The following SEPTIN10 variants were observed in gnomAD, a reference collection of about 807,000 sequenced individuals.
The protein encoded by SEPTIN10 is septin 10.
A neutral mutation model predicts 54.8 loss-of-function variants in SEPTIN10; 66 were observed. The ratio of observed to expected loss-of-function variants is 1.21; its 90% CI spans 0.99 to 1.48. SEPTIN10 has a LOEUF of 1.48. Ranked by LOEUF, SEPTIN10 falls within the 40% of genes most tolerant of loss-of-function variation. The probability of loss-of-function intolerance (pLI) is 0.00; values close to 1 mark genes in which losing one functional copy is unlikely to be tolerated. For synonymous variants in SEPTIN10, 161 were observed against 181.0 expected, an observed-to-expected ratio of 0.89 and a Z score of 0.89; for missense variants, 620 against 545.6, an observed-to-expected ratio of 1.14 and a Z score of -1.36.
chr2:109,565,611 A>G, intron 7 of SEPTIN10, 152 bp downstream of exon 7: 1 of 665,726 alleles, frequency 1.5e-6, no homozygotes, highest in East Asian at 2.6e-5. Flanking sequence ...GAGGCTCTAC[A>G]CGGCCTCCAG....
At position 109,585,189 on chromosome 2, in the gene SEPTIN10, ACATTACTTT is replaced by A. The variant is rs1240375049; in HGVS notation, c.341_349del (p.Glu114_Asn116del). 6.2e-7 allele frequency: 1 copy of A among 1,611,574 alleles called. No homozygotes were observed. Among genetic ancestry groups the A allele is most frequent in the African/African-American group, 1.3e-5 (1 of 74,878 alleles). ...ATTCACAATGGTCAATTTCAATTGA[ACATTACTTT>A]CCTGGAGTTCATATGTCTGAGCTTT... On this transcript the variant is annotated inframe_deletion, in exon 4 of 11. Coordinates refer to ENST00000397712, the MANE Select transcript of SEPTIN10 (RefSeq NM_144710.5).
intron 1 of SEPTIN10, among the ~76,000 whole-genome samples, chr2:109,607,190 T>C (rs1327172779): frequency 6.6e-6 from 1 of 152,206 alleles, no homozygotes. Flanking sequence ...ACAAATAATT[T>C]GTATTTTCCA....
rs1301429871 is a variant in SEPTIN10, at chr2:109,565,754, C to T, written c.859+9G>A. ...ATACATATTTCTAGTCATCCTTTGT[C>T]TCATTTACCTTGTACAACACCCCAA... On this transcript the variant is annotated intron_variant, in intron 7 of 10. Transcript: ENST00000397712. The T allele has an allele frequency of 2.5e-6, 4 of 1,609,230 alleles. No individual in the cohort carries two copies. Among genetic ancestry groups the T allele is most frequent in the Middle Eastern group, 1.7e-4 (1 of 5,934 alleles).
At position 109,585,131 on chromosome 2, in the gene SEPTIN10, T is replaced by C; in HGVS notation, c.408A>G (p.Glu136=). 9.5e-6 allele frequency: 15 copies of C among 1,571,392 alleles called. No homozygotes were observed. The highest frequency in any genetic ancestry group is 1.3e-5 in the Non-Finnish European group (15 of 1,159,852). ...TVGFGDQINK[E]ESYQPIVDYI... is the part of the protein sequence containing the mutation. Reference sequence around the variant, plus strand: ...TACAAGAAGAAAACACATACCTCTCTTCTTTATTTATTTGGTCACCAAATC... The same window carrying C: ...TACAAGAAGAAAACACATACCTCTCCTCTTTATTTATTTGGTCACCAAATC... The change falls in exon 4 of 11, where the codon GAA becomes GAG. Residue 136 remains glutamate (E), a synonymous_variant. Coordinates refer to ENST00000397712, the MANE Select transcript of SEPTIN10 (RefSeq NM_144710.5).
intron 2 of SEPTIN10, among the ~76,000 whole-genome samples, chr2:109,587,652 G>A (rs893483015): frequency 2.0e-5 from 3 of 152,092 alleles, no homozygotes; most frequent in East Asian, 1.9e-4. Flanking sequence ...GGTGGCTCAC[G>A]CCTGTAATCC....
rs1681021558 is a variant in SEPTIN10 at position 109,545,696 on chromosome 2, A to ATGG, written c.1349+351_1349+353dup. The ATGG allele has an allele frequency of 2.1e-6, 3 of 1,459,934 alleles. No individual in the cohort carries two copies. In the Admixed American group the frequency reaches 7.2e-5, roughly 35 times the overall value. The allele number at this position is 1,459,934 out of a possible 1,614,324, so 90.4% of individuals were successfully genotyped here. On this transcript the variant is annotated intron_variant, in intron 10 of 10. Transcript: ENST00000397712. Reference sequence around the variant, plus strand: ...TTAGACATGAAATTCAAAATAACTCATGGTAGGTCAGCAGCCATTAGCTGT... The same window carrying ATGG: ...TTAGACATGAAATTCAAAATAACTCATGGTGGTAGGTCAGCAGCCATTAGCTGT...
At chr2:109,576,409 A>G (rs1205752189) in intron 4 of SEPTIN10, among the ~76,000 whole-genome samples, 1 of 152,068 alleles carries the variant, frequency 6.6e-6, no homozygotes, top group African/African-American at 2.4e-5. Flanking sequence ...TCAAAAAATG[A>G]TATTTTTTTT....
chr2:109,590,015 T>C, intron 2 of SEPTIN10, among the ~76,000 whole-genome samples: 1 of 151,158 alleles, frequency 6.6e-6, no homozygotes, highest in Middle Eastern at 3.4e-3. Context: ...TAATCATATA[T>C]ATATATACAC....
intron 9 of SEPTIN10, among the ~76,000 whole-genome samples, chr2:109,547,742 A>T (rs1312430672): frequency 6.6e-6 from 1 of 152,204 alleles, no homozygotes; most frequent in Non-Finnish European, 1.5e-5. Flanking sequence ...GCTTTAAAAC[A>T]ACTGGGATAT....
intron 4 of SEPTIN10, among the ~76,000 whole-genome samples, chr2:109,581,941 T>C (rs1475037744): frequency 4.6e-5 from 7 of 152,172 alleles, no homozygotes; most frequent in African/African-American, 1.7e-4. Context: ...CTCCGCCAAA[T>C]GGCTCCTGAA....
chr2:109,544,265 A>C lies in SEPTIN10; in HGVS notation c.*44T>G. ...CACACTTCTAGTTTTTTTTTAATAAAGTTTGCTTGTGATGATGACCTTCTG... is the reference window on the plus strand; with the variant it reads ...CACACTTCTAGTTTTTTTTTAATAACGTTTGCTTGTGATGATGACCTTCTG... On this transcript the variant is annotated 3_prime_UTR_variant, in exon 11 of 11. Transcript: ENST00000397712. The C allele has an allele frequency of 6.2e-7, 1 of 1,613,102 alleles. No homozygotes were observed. Among genetic ancestry groups the C allele is most frequent in the Non-Finnish European group, 8.5e-7 (1 of 1,179,816 alleles).
intron 5 of SEPTIN10, among the ~76,000 whole-genome samples, chr2:109,568,772 T>C (rs1159507274): frequency 6.6e-6 from 1 of 152,190 alleles, no homozygotes; most frequent in Non-Finnish European, 1.5e-5. Flanking sequence ...AGCTTCTCTT[T>C]GTGCCTCGTT....
At chr2:109,599,639 C>T (rs1696176644) in intron 1 of SEPTIN10, among the ~76,000 whole-genome samples, 1 of 152,006 alleles carries the variant, frequency 6.6e-6, no homozygotes, top group Admixed American at 6.6e-5. Flanking sequence ...CATCAAACTC[C>T]AACAAATACA....
At chr2:109,593,295 G>C (rs1694510104) in intron 1 of SEPTIN10, among the ~76,000 whole-genome samples, 176 bp from the exon 2 acceptor site, 1 of 151,906 alleles carries the variant, frequency 6.6e-6, no homozygotes, top group Admixed American at 6.6e-5. Context: ...TTGCTGGATA[G>C]GTATCTACAT....
chr2:109,569,353 C>T (rs1292673796), intron 5 of SEPTIN10, among the ~76,000 whole-genome samples: 1 of 151,502 alleles, frequency 6.6e-6, no homozygotes, highest in Non-Finnish European at 1.5e-5. Flanking sequence ...ATCGCTTGAA[C>T]CCAGGAGGCA....
intron 1 of SEPTIN10, among the ~76,000 whole-genome samples, chr2:109,601,029 G>GT (rs1696493591): frequency 1.3e-5 from 2 of 152,162 alleles, no homozygotes; most frequent in Admixed American, 6.5e-5. Context: ...ATGGATGTGT[G>GT]TAAGCCTCCA....
In SEPTIN10 at chr2:109,553,177, A is replaced by T. The variant is rs763035629; in HGVS notation, c.1071T>A (p.Gly357=). ...TTTCTTCTTCCTTCCTCTGACGTTC[A>T]CCATGGAACTCATGTCTTTTGGCTT... is the stretch of plus-strand genomic sequence containing the variant. ...TYEAKRHEFH[G]ERQRKEEEMK... Residue 357 remains glycine, a synonymous_variant, in exon 9 of 11, where the codon GGT becomes GGA. Transcript: ENST00000397712. 6.2e-7 allele frequency: 1 copy of T among 1,614,134 alleles called. No homozygotes were observed. The highest frequency in any genetic ancestry group is 1.1e-5 in the South Asian group (1 of 91,084).
At chr2:109,577,296 G>A (rs1689906875) in intron 4 of SEPTIN10, among the ~76,000 whole-genome samples, 2 of 152,126 alleles carry the variant, frequency 1.3e-5, no homozygotes, top group African/African-American at 4.8e-5. Flanking sequence ...ACCTCGTGTA[G>A]TTAAAAAATA....
At chr2:109,611,964 C>CAA (rs1699354568) in intron 1 of SEPTIN10, among the ~76,000 whole-genome samples, 1 of 152,146 alleles carries the variant, frequency 6.6e-6, no homozygotes, top group Non-Finnish European at 1.5e-5. Flanking sequence ...TATGACCCAA[C>CAA]AATTGTATTC....
Sources: allele counts gnomAD v4.1 joint callset (sites outside exome capture counted in the v4.1 genomes callset), GRCh38; gene constraint gnomAD v4.1.1; transcripts MANE v1.5; gene names NCBI Gene and HGNC (gene_info 2026-07-23, HGNC 2026-07-21).